Variants in GLT8D2 observed in about 807,000 individuals in gnomAD.
GLT8D2 encodes glycosyltransferase 8 domain containing 2.
Under a neutral mutation model 44.5 loss-of-function variants are expected in GLT8D2, and 45 were observed. The ratio of observed to expected loss-of-function variants is 1.01; its 90% CI spans 0.80 to 1.30. The LOEUF is 1.30. Among genes scored for constraint, GLT8D2 ranks in the 50% most tolerant of loss-of-function variants. The pLI, the probability that GLT8D2 is intolerant of heterozygous loss-of-function variation, is 0.00. For missense variants in GLT8D2, 400 were observed against 430.4 expected, an observed-to-expected ratio of 0.93 and a Z score of 0.62; for synonymous variants, 156 against 157.2, an observed-to-expected ratio of 0.99 and a Z score of 0.06.
rs1873489148 is a variant in GLT8D2 at position 103,996,821 on chromosome 12, TGGTGTCATACAG to T, written c.502_513del (p.Leu168_Thr171del). On this transcript the variant is annotated inframe_deletion, in exon 8 of 11. Coordinates refer to ENST00000360814, the MANE Select transcript of GLT8D2 (RefSeq NM_001384711.1). ...GCCGCCGCGTGGCCCAGGGCCAAGG[TGGTGTCATACAG>T]TTCTTGGATATCACCTGAATTTAGA... is the stretch of plus-strand genomic sequence containing the variant. The T allele has an allele frequency of 6.2e-7, 1 of 1,613,764 alleles. No individual in the cohort carries two copies. The highest frequency in any genetic ancestry group is 1.7e-5 in the Admixed American group (1 of 59,980).
At chr12:104,001,348 C>A (rs148375413) in intron 5 of GLT8D2, among the ~76,000 whole-genome samples, 1 of 152,152 alleles carries the variant, frequency 6.6e-6, no homozygotes, top group Non-Finnish European at 1.5e-5. Context: ...TTGTTGTACA[C>A]GTATTTTGGT....
At chr12:103,998,170 G>A (rs1021965959) in intron 6 of GLT8D2, among the ~76,000 whole-genome samples, 1 of 151,990 alleles carries the variant, frequency 6.6e-6, no homozygotes, top group Admixed American at 6.6e-5. Context: ...ATGAATTTAA[G>A]TAACAATCAT....
Position 104,047,656 on chromosome 12 carries a change from C to A in GLT8D2, c.-164+2239G>T, listed in dbSNP as rs139680879. Among the ~76,000 whole-genome samples, 1,199 of 152,224 alleles carry A rather than the reference C, an allele frequency of 7.9e-3. 18 individuals are homozygous for A. The highest frequency in any genetic ancestry group is 0.026 in the African/African-American group (1,098 of 41,528). On this transcript the variant is annotated intron_variant, in intron 1 of 10. Transcript: ENST00000360814. ...TAATCCCATTGGTGATGGTGCTGCC[C>A]TCATGACCCAACCACCTCCCAAAAG...
At chr12:104,003,569 A>C (rs1191958618) in intron 4 of GLT8D2, among the ~76,000 whole-genome samples, 1 of 152,192 alleles carries the variant, frequency 6.6e-6, no homozygotes. Context: ...TGGTTTAAGT[A>C]ATGTGTGCCA....
chr12:104,060,081 T>C (rs1379397866), intron 1 of GLT8D2, among the ~76,000 whole-genome samples: 3 of 152,240 alleles, frequency 2.0e-5, no homozygotes, highest in Non-Finnish European at 2.9e-5. Flanking sequence ...CAGTTGCTTC[T>C]TCGTCCTCTT....
chr12:104,051,440 GTT>G (rs1235073962), upstream of GLT8D2, among the ~76,000 whole-genome samples: 1 of 151,910 alleles, frequency 6.6e-6, no homozygotes, highest in Admixed American at 6.6e-5. Flanking sequence ...TATGTTCTTT[GTT>G]TTGTCTTTAA....
chr12:103,991,895 T>G (rs1331530994), intron 10 of GLT8D2, among the ~76,000 whole-genome samples: 3 of 149,362 alleles, frequency 2.0e-5, no homozygotes, highest in Non-Finnish European at 4.4e-5. Context: ...TTAGAAATAA[T>G]ATTCACCTTC....
Position 104,007,233 on chromosome 12 carries a change from G to GCTCTCTCTCTCTCTCT in GLT8D2, c.113-3943_113-3928dup, listed in dbSNP as rs57109528. ...AGTACTCATCTGATTTATACTTAAA[G>GCTCTCTCTCTCTCTCT]CTCTCTCTCTCTCTCTCTCTCTCTC... On this transcript the variant is annotated intron_variant, in intron 4 of 10. Coordinates refer to ENST00000360814, the MANE Select transcript of GLT8D2 (RefSeq NM_001384711.1). Among the ~76,000 whole-genome samples, 175 of 66,344 alleles carry GCTCTCTCTCTCTCTCT rather than the reference G, an allele frequency of 2.6e-3. 13 individuals are homozygous for GCTCTCTCTCTCTCTCT. Among genetic ancestry groups the GCTCTCTCTCTCTCTCT allele is most frequent in the East Asian group, 0.013 (21 of 1,560 alleles). The allele number at this position is 66,344 out of a possible 152,430, so 43.5% of individuals were successfully genotyped here. A position where few individuals can be genotyped will look rare whatever the true frequency, so the allele number is the denominator to read the frequency against.
At chr12:104,030,145 T>C (rs1317315419) in intron 1 of GLT8D2, among the ~76,000 whole-genome samples, 1 of 152,036 alleles carries the variant, frequency 6.6e-6, no homozygotes, top group African/African-American at 2.4e-5. Context: ...AACAGACACA[T>C]AGATCAATGG....
rs536877162 is a variant in GLT8D2 at position 104,061,697 on chromosome 12, C to T, written c.-423+2252G>A. Among the ~76,000 whole-genome samples, 24 of 152,198 alleles carry T rather than the reference C, an allele frequency of 1.6e-4. No homozygotes were observed. The South Asian group carries it at 5.0e-3, about 32-fold the overall frequency. On this transcript the variant is annotated intron_variant, in intron 1 of 10. Transcript: ENST00000548660. Reference sequence around the variant, plus strand: ...TGGACATATTATGAAATTGGGCTGGCCAGGCGCAGTGGTTCATGCCTGTAA... The same window carrying T: ...TGGACATATTATGAAATTGGGCTGGTCAGGCGCAGTGGTTCATGCCTGTAA...
chr12:104,039,948 A>G (rs1252087611), intron 1 of GLT8D2, among the ~76,000 whole-genome samples: 1 of 152,270 alleles, frequency 6.6e-6, no homozygotes, highest in Non-Finnish European at 1.5e-5. Flanking sequence ...CATATACACC[A>G]TGGAATACTA....
chr12:104,019,701 T>C, intron 2 of GLT8D2, 25 bp from the exon 3 acceptor site: 1 of 1,523,208 alleles, frequency 6.6e-7, no homozygotes, highest in Non-Finnish European at 9.1e-7. Context: ...AAAAAAAATC[T>C]GTTTAAAGGA....
At chr12:104,032,908 G>T (rs373917871) in intron 1 of GLT8D2, among the ~76,000 whole-genome samples, 2 of 144,924 alleles carry the variant, frequency 1.4e-5, no homozygotes, top group African/African-American at 2.6e-5. Context: ...ACAGTGATTC[G>T]TTATATCGTC....
chr12:104,016,769 A>AGG (rs1406658903), intron 3 of GLT8D2, among the ~76,000 whole-genome samples: 179 of 91,862 alleles, frequency 1.9e-3, no homozygotes, highest in African/African-American at 7.6e-3. Flanking sequence ...GAAAGAAAGA[A>AGG]AGAAAGAAGG....
chr12:104,022,047 G>GGGA (rs1453056961), intron 1 of GLT8D2, among the ~76,000 whole-genome samples: 2 of 100,066 alleles, frequency 2.0e-5, no homozygotes, highest in South Asian at 6.4e-4. Context: ...AGAAGAAGAA[G>GGGA]AAGAAGAAGG....
intron 5 of GLT8D2, among the ~76,000 whole-genome samples, chr12:104,000,430 TAGTG>T (rs1874048308): frequency 6.6e-6 from 1 of 152,220 alleles, no homozygotes; most frequent in Non-Finnish European, 1.5e-5. Context: ...TACTAAGTGT[TAGTG>T]AGAACATGCT....
At chr12:104,056,471 G>A (rs768229656) in intron 1 of GLT8D2, among the ~76,000 whole-genome samples, 3 of 152,142 alleles carry the variant, frequency 2.0e-5, no homozygotes, top group African/African-American at 4.8e-5. Context: ...TTGACTTTTT[G>A]GCCTGCAGCT....
intron 1 of GLT8D2, chr12:104,029,802 T>C (rs564010582): frequency 6.6e-6 from 1 of 152,314 alleles, no homozygotes. Flanking sequence ...CTCATTATTA[T>C]GACTGAAGCA....
chr12:103,997,359 G>A (rs1298437249), intron 7 of GLT8D2, 92 bp downstream of exon 7: 1 of 927,768 alleles, frequency 1.1e-6, no homozygotes, highest in Admixed American at 1.8e-5. Context: ...AAAACTTGCT[G>A]CACAATTAGT....
Sources: gnomAD v4.1 joint callset for allele counts (sites outside exome capture counted in the v4.1 genomes callset) on GRCh38, gnomAD v4.1.1 for gene constraint, MANE v1.5 for transcripts, NCBI Gene and HGNC (gene_info 2026-07-23, HGNC 2026-07-21) for gene names.